ACTR2: variants seen among roughly 807,000 people sequenced by gnomAD.
ACTR2 encodes actin related protein 2, also known as actin-related protein 2.
ACTR2 carries 5 observed loss-of-function variants against 50.2 expected under a neutral mutation model. The ratio of observed to expected loss-of-function variants is 0.10; its 90% CI spans 0.05 to 0.21. The LOEUF (loss-of-function observed/expected upper bound fraction) is 0.21. Ranked by LOEUF, ACTR2 falls within the 10% of genes least tolerant of loss-of-function variation. ACTR2 has a pLI of 1.00. For synonymous variants in ACTR2, 140 were observed against 162.9 expected (o/e 0.86, Z 1.07); for missense variants, 180 against 480.6 (o/e 0.37, Z 5.85).
In ACTR2 at chr2:65,227,970, C is replaced by T; in HGVS notation, c.48+13C>T. The T allele has an allele frequency of 6.7e-7, 1 of 1,501,132 alleles. No homozygotes were observed. The highest frequency in any genetic ancestry group is 8.9e-7 in the Non-Finnish European group (1 of 1,126,166). The allele number at this position is 1,501,132 out of a possible 1,614,324, so 93.0% of individuals were successfully genotyped here. On this transcript the variant is annotated intron_variant, in intron 1 of 8. Transcript: ENST00000260641. ...CAACGGCACCGGGGTAAGGGCCGCG[C>T]GAGGAGGCCTTGGCGGCCACAGACG...
intron 1 of ACTR2, among the ~76,000 whole-genome samples, chr2:65,236,122 T>G (rs1478157805): frequency 6.6e-6 from 1 of 152,060 alleles, no homozygotes; most frequent in East Asian, 1.9e-4. Context: ...GTGGATTACA[T>G]GAGGTCAGGA....
intron 1 of ACTR2, among the ~76,000 whole-genome samples, chr2:65,229,799 T>G (rs1022648804): frequency 2.0e-5 from 3 of 149,874 alleles, no homozygotes; most frequent in African/African-American, 7.4e-5. Flanking sequence ...AATGTGACGG[T>G]TTTTAAGAAT....
rs759475670 is a variant in ACTR2 at position 65,251,123 on chromosome 2, A to C, written c.448+24A>C. On this transcript the variant is annotated intron_variant, in intron 4 of 8. Coordinates refer to ENST00000260641, the MANE Select transcript of ACTR2 (RefSeq NM_005722.4). ...AGGTAGGTTAAGCTTAACTGTTAGAAAAAACACTTCATCAAACATTTATTA... is the reference window on the plus strand; with the variant it reads ...AGGTAGGTTAAGCTTAACTGTTAGACAAAACACTTCATCAAACATTTATTA... 2.0e-6 allele frequency: 3 copies of C among 1,517,304 alleles called. No homozygotes were observed. The Admixed American group carries it at 5.7e-5, about 29-fold the overall frequency. 94.0% of individuals were successfully genotyped at this position (1,517,304 alleles called of 1,614,324 possible).
intron 1 of ACTR2, among the ~76,000 whole-genome samples, chr2:65,234,033 C>T (rs538499330): frequency 7.2e-5 from 11 of 152,208 alleles, no homozygotes; most frequent in Admixed American, 7.2e-4. Context: ...ACCTCAGCCT[C>T]CCGAGTTTCT....
chr2:65,242,117 C>A, intron 2 of ACTR2: 1 of 1,339,900 alleles, frequency 7.5e-7, no homozygotes, highest in Non-Finnish European at 1.1e-6. Flanking sequence ...CTTGATGGGA[C>A]AGTAGTTGTT....
rs568199397 is a variant in ACTR2 at position 65,229,767 on chromosome 2, A to G, written c.48+1810A>G. Among the ~76,000 whole-genome samples, 52 of 115,498 alleles carry G rather than the reference A, an allele frequency of 4.5e-4. 2 individuals are homozygous for G. The highest frequency in any genetic ancestry group is 2.5e-3 in the South Asian group (11 of 4,378). 75.8% of individuals were successfully genotyped at this position (115,498 alleles called of 152,430 possible). A position where few individuals can be genotyped will look rare whatever the true frequency, so the allele number is the denominator to read the frequency against. On this transcript the variant is annotated intron_variant, in intron 1 of 8. Coordinates refer to ENST00000260641, the MANE Select transcript of ACTR2 (RefSeq NM_005722.4). The stretch of plus-strand genomic sequence containing the variant: ...CTCCGTCTCAAAAAAAAAAAAAAAA[A>G]AAAAGAAAAACAAAACATATTAATG...
intron 4 of ACTR2, among the ~76,000 whole-genome samples, chr2:65,251,859 C>T (rs1672058523): frequency 6.6e-6 from 1 of 151,808 alleles, no homozygotes; most frequent in Non-Finnish European, 1.5e-5. Flanking sequence ...TATATATTCT[C>T]TTGATATTGC....
rs1484793988 is a variant in ACTR2, at chr2:65,243,295, GGAAA to G, written c.160-3226_160-3223del. On this transcript the variant is annotated intron_variant, in intron 2 of 8. Transcript: ENST00000260641. ...CCATCTCAAAAAAAAGAAAAGAAAA[GGAAA>G]GAGTGCGCTTGTAGAGAACAGTGTA... Among the ~76,000 whole-genome samples the G allele has an allele frequency of 5.0e-3, 755 of 151,990 alleles. 6 individuals carry two copies. Among genetic ancestry groups the G allele is most frequent in the African/African-American group, 0.017 (702 of 41,464 alleles).
rs1054021926 is a variant in ACTR2, at chr2:65,269,310, G to C, written c.*576G>C. The C allele has an allele frequency of 1.3e-5, 2 of 151,662 alleles. No homozygotes were observed. Among genetic ancestry groups the C allele is most frequent in the Admixed American group, 6.6e-5 (1 of 15,210 alleles). The allele number at this position is 151,662 out of a possible 1,614,324, so 9.4% of individuals were successfully genotyped here. A position where few individuals can be genotyped will look rare whatever the true frequency, so the allele number is the denominator to read the frequency against. ...AAGTGTTTTGGGTGGGTTTTGTTGCGGGGGGGAGGGTAACAATGGGTGGTC... is the reference window on the plus strand; with the variant it reads ...AAGTGTTTTGGGTGGGTTTTGTTGCCGGGGGGAGGGTAACAATGGGTGGTC... On this transcript the variant is annotated 3_prime_UTR_variant, in exon 9 of 9. Transcript: ENST00000260641.
chr2:65,259,916 TGATGTGTGA>T (rs1672233614), intron 6 of ACTR2, among the ~76,000 whole-genome samples: 2 of 152,202 alleles, frequency 1.3e-5, no homozygotes, highest in South Asian at 4.1e-4. Context: ...AATATGAACA[TGATGTGTGA>T]CTGACAAGAT....
chr2:65,268,436 A>C (rs55843720), intron 8 of ACTR2, 128 bp from the exon 9 acceptor site: 676,209 of 803,800 alleles, frequency 0.84, 285,258 homozygotes, highest in African/African-American at 0.89. Flanking sequence ...GGTACCAAAT[A>C]TTACGTTCTA....
At chr2:65,259,378 C>T (rs773653904) in intron 6 of ACTR2, among the ~76,000 whole-genome samples, 13 of 151,926 alleles carry the variant, frequency 8.6e-5, no homozygotes, top group Non-Finnish European at 1.6e-4. Context: ...GCCATGATCA[C>T]ACCACTGCCC....
At chr2:65,252,441 C>T (rs1465438036) in intron 4 of ACTR2, among the ~76,000 whole-genome samples, 1 of 149,572 alleles carries the variant, frequency 6.7e-6, no homozygotes, top group Non-Finnish European at 1.5e-5. Flanking sequence ...GAGATCGAGA[C>T]CATCCTGACT....
intron 2 of ACTR2, among the ~76,000 whole-genome samples, chr2:65,245,199 C>G (rs1671913424): frequency 6.6e-6 from 1 of 151,500 alleles, no homozygotes; most frequent in Non-Finnish European, 1.5e-5. Context: ...ATTTAAAACT[C>G]ATATATTTTT....
rs1672264542 is a variant in ACTR2 at position 65,261,367 on chromosome 2, A to G, written c.856A>G (p.Ile286Val). Reference protein sequence around the residue: ...VGVAELLFNTIQAADIDTRSE... With the variant: ...VGVAELLFNTVQAADIDTRSE... ...TGTTGCTGAATTGCTTTTTAACACA[A>G]TTCAGGCAGCTGACATTGATACCAG... Residue 286 changes from isoleucine (I) to valine (V), a missense_variant, in exon 7 of 9, where the codon ATT (isoleucine) becomes GTT (valine). Physicochemically the swap from Ile to Val is conservative, Grantham distance 29. Coordinates refer to ENST00000260641, the MANE Select transcript of ACTR2 (RefSeq NM_005722.4). 6.2e-7 allele frequency: 1 copy of G among 1,613,872 alleles called. No individual in the cohort carries two copies.
chr2:65,251,928 C>CT (rs371437858), intron 4 of ACTR2, among the ~76,000 whole-genome samples: 168 of 143,332 alleles, frequency 1.2e-3, no homozygotes, highest in South Asian at 5.5e-3. Context: ...TGGGAGAGCT[C>CT]TTTTTTTTTT....
chr2:65,231,912 C>A (rs1671644860), intron 1 of ACTR2, among the ~76,000 whole-genome samples: 1 of 152,176 alleles, frequency 6.6e-6, no homozygotes. Context: ...TGTGTTGGGC[C>A]TCATGCAGCC....
At chr2:65,240,332 T>G (rs544239019) in intron 2 of ACTR2, among the ~76,000 whole-genome samples, 4 of 152,362 alleles carry the variant, frequency 2.6e-5, no homozygotes, top group East Asian at 1.9e-4. Context: ...TGTATGTGAG[T>G]GTCTCTTTGG....
At chr2:65,252,653 T>C (rs551015211) in intron 4 of ACTR2, among the ~76,000 whole-genome samples, 2 of 151,160 alleles carry the variant, frequency 1.3e-5, no homozygotes, top group Non-Finnish European at 3.0e-5. Flanking sequence ...TCAAAAAAAA[T>C]ATGTAAATAA....
Sources: allele counts gnomAD v4.1 joint callset (sites outside exome capture counted in the v4.1 genomes callset), GRCh38; gene constraint gnomAD v4.1.1; transcripts MANE v1.5; gene names NCBI Gene and HGNC (gene_info 2026-07-23, HGNC 2026-07-21).